PNMA6E: variants seen among roughly 807,000 people sequenced by gnomAD.
PNMA6E encodes paraneoplastic antigen Ma6E.
For missense variants in PNMA6E, 78 were observed against 50.8 expected (o/e 1.53, Z -1.63); for synonymous variants, 43 against 17.1 (o/e 2.52, Z -3.74).
upstream of PNMA6E, among the ~76,000 whole-genome samples, chrX:153,404,481 T>C (rs1455219248): frequency 1.8e-5 from 2 of 110,708 alleles, no homozygotes; most frequent in Non-Finnish European, 3.8e-5. Context: ...GATGAGTCAT[T>C]GTTTGTTATT....
intron 1 of PNMA6E, among the ~76,000 whole-genome samples, chrX:153,400,356 A>G (rs1556971064): frequency 8.9e-6 from 1 of 112,496 alleles, no homozygotes; most frequent in South Asian, 3.6e-4. Flanking sequence ...CACCCCGTGC[A>G]CCCTTAGGCA....
chrX:153,400,826 G>A (rs1362999330), intron 1 of PNMA6E, among the ~76,000 whole-genome samples: 1 of 99,720 alleles, frequency 1.0e-5, no homozygotes, highest in African/African-American at 3.7e-5. Context: ...CCACCCCAGG[G>A]AGCCCCCTCC....
At chrX:153,413,186 C>G in the PNMA6E span, among the ~76,000 whole-genome samples, 2 of 108,807 alleles carry the variant, frequency 1.8e-5, no homozygotes, top group Non-Finnish European at 3.8e-5. Flanking sequence ...GATGAAAAAG[C>G]CCAAATTCCT....
At chrX:153,399,032 G>T (rs2088831004) in intron 1 of PNMA6E, 112 bp from the exon 2 acceptor site, 1 of 287,831 alleles carries the variant, frequency 3.5e-6, no homozygotes, top group South Asian at 2.4e-4. Flanking sequence ...CTGCCTCCTT[G>T]TTTTGTCGCT....
chrX:153,411,436 C>T, the PNMA6E span, among the ~76,000 whole-genome samples: 213 of 111,139 alleles, frequency 1.9e-3, 1 homozygote, highest in Admixed American at 4.5e-3. Flanking sequence ...CCCCCCACAA[C>T]GCGCCCCGTT....
chrX:153,409,220 G>A, the PNMA6E span, among the ~76,000 whole-genome samples: 1 of 113,367 alleles, frequency 8.8e-6, no homozygotes, highest in African/African-American at 3.2e-5. Flanking sequence ...CAGGCCAGCC[G>A]GACTGTGAGA....
the PNMA6E span, among the ~76,000 whole-genome samples, chrX:153,407,046 A>G: frequency 1.8e-5 from 2 of 112,594 alleles, no homozygotes; most frequent in African/African-American, 6.5e-5. Flanking sequence ...ACGAGATCAC[A>G]AGCTCAGTTT....
At chrX:153,413,205 C>T in the PNMA6E span, among the ~76,000 whole-genome samples, 1 of 108,922 alleles carries the variant, frequency 9.2e-6, no homozygotes, top group South Asian at 4.1e-4. Flanking sequence ...CTGCTCCCAC[C>T]GAGTGGGACT....
the PNMA6E span, among the ~76,000 whole-genome samples, chrX:153,406,665 G>A: frequency 8.9e-6 from 1 of 112,983 alleles, no homozygotes; most frequent in African/African-American, 3.2e-5. Context: ...CAGATGTGAA[G>A]CCAGTGCTGC....
intron 1 of PNMA6E, 22 bp from the exon 2 acceptor site, chrX:153,398,942 C>T: frequency 6.7e-6 from 2 of 296,695 alleles, no homozygotes; most frequent in Non-Finnish European, 1.2e-5. Context: ...AAGAGAGAAG[C>T]TTGTTTGTGC....
the PNMA6E span, among the ~76,000 whole-genome samples, chrX:153,407,881 G>A: frequency 8.9e-6 from 1 of 112,559 alleles, no homozygotes; most frequent in East Asian, 2.8e-4. Context: ...CACAGAGGAG[G>A]GGCCTCTCTT....
rs782691262 is a variant in PNMA6E at position 153,400,782 on chromosome X, C to T, written c.-72+462G>A. ...CACGCTTGGAGCCCGCCAGCCTGCT[C>T]TCCCACGTGGCGCTCCACAGCCCCC... On this transcript the variant is annotated intron_variant, in intron 1 of 1. Transcript: ENST00000445091. Among the ~76,000 whole-genome samples the T allele has an allele frequency of 9.2e-5, 10 of 108,332 alleles. No homozygotes were observed. In the South Asian group the frequency reaches 4.1e-3, roughly 45 times the overall value. The allele number at this position is 108,332 out of a possible 115,157, so 94.1% of individuals were successfully genotyped here. A position where few individuals can be genotyped will look rare whatever the true frequency, so the allele number is the denominator to read the frequency against.
the PNMA6E span, among the ~76,000 whole-genome samples, chrX:153,406,499 G>A: frequency 8.9e-6 from 1 of 112,728 alleles, no homozygotes; most frequent in African/African-American, 3.2e-5. Flanking sequence ...AAAGGTCCTG[G>A]AGCTGGAAGG....
At position 153,396,800 on chromosome X, in the gene PNMA6E, G is replaced by A. The variant is rs2088810635; in HGVS notation, c.*106C>T. On this transcript the variant is annotated 3_prime_UTR_variant, in exon 2 of 2. Coordinates refer to ENST00000445091, the MANE Select transcript of PNMA6E (RefSeq NM_001367770.1). ...CAGAGCCCCTTGGGGGAGGTGGGGGGCCCTTACTCCTGAATGTGGGGTGAG... is the reference window on the plus strand; with the variant it reads ...CAGAGCCCCTTGGGGGAGGTGGGGGACCCTTACTCCTGAATGTGGGGTGAG... 2 of 296,861 alleles carry A rather than the reference G, an allele frequency of 6.7e-6. No homozygotes were observed. Among genetic ancestry groups the A allele is most frequent in the Non-Finnish European group, 1.2e-5 (2 of 170,024 alleles). The allele number at this position is 296,861 out of a possible 1,213,427, so 24.5% of individuals were successfully genotyped here.
chrX:153,405,680 C>G (rs2088874184), upstream of PNMA6E, among the ~76,000 whole-genome samples: 1 of 108,351 alleles, frequency 9.2e-6, no homozygotes, highest in Admixed American at 1.0e-4. Flanking sequence ...CTATGAGCAG[C>G]CCTATGGAGA....
At chrX:153,401,628 G>C (rs868948826), upstream of PNMA6E, among the ~76,000 whole-genome samples, 4 of 112,018 alleles carry the variant, frequency 3.6e-5, no homozygotes, top group Non-Finnish European at 7.5e-5. Context: ...CACGAGGATC[G>C]GCGGAGTACA....
At chrX:153,409,704 G>A in the PNMA6E span, among the ~76,000 whole-genome samples, 18 of 112,370 alleles carry the variant, frequency 1.6e-4, no homozygotes, top group African/African-American at 5.5e-4. Context: ...AAGCTTGTGT[G>A]GGACCCGCAG....
chrX:153,409,916 G>T, the PNMA6E span, among the ~76,000 whole-genome samples: 2 of 112,306 alleles, frequency 1.8e-5, no homozygotes, highest in African/African-American at 6.5e-5. Context: ...CGGGTGCAAA[G>T]GTCCCCCCGC....
chrX:153,399,161 G>A (rs1556970896), intron 1 of PNMA6E, among the ~76,000 whole-genome samples: 1 of 112,193 alleles, frequency 8.9e-6, no homozygotes, highest in African/African-American at 3.2e-5. Context: ...CCCCACAAAG[G>A]AATTGGGAAG....
Sources: gnomAD v4.1 joint callset for allele counts (sites outside exome capture counted in the v4.1 genomes callset) on GRCh38, gnomAD v4.1.1 for gene constraint, MANE v1.5 for transcripts, NCBI Gene and HGNC (gene_info 2026-07-23, HGNC 2026-07-21) for gene names.